The following CES1 variants were observed in gnomAD, a reference collection of about 807,000 sequenced individuals.
The protein encoded by CES1 is carboxylesterase 1, also known as liver carboxylesterase 1.
Under a neutral mutation model 53.0 loss-of-function variants are expected in CES1, and 50 were observed. That is an observed-to-expected ratio of 0.94 (90% confidence interval 0.75 to 1.19). CES1 has a LOEUF of 1.19. CES1 is among the 50% of genes most tolerant of loss of function. The pLI is 0.00. For synonymous variants in CES1, 202 were observed against 210.1 expected (o/e 0.96, Z 0.33); for missense variants, 534 against 538.0 (o/e 0.99, Z 0.07).
At chr16:55,826,412 C>T (rs1252468652) in intron 2 of CES1, 117 bp from the exon 3 acceptor site, 1 of 1,289,564 alleles carries the variant, frequency 7.8e-7, no homozygotes, top group Non-Finnish European at 1.1e-6. Flanking sequence ...TAGTTACAGA[C>T]TCACGACATT....
rs1180068369 is a variant in CES1 at position 55,828,451 on chromosome 16, T to C, written c.260+316A>G. 3.9e-5 allele frequency among the ~76,000 whole-genome samples: 6 copies of C among 152,220 alleles called. No individual in the cohort carries two copies. In the South Asian group the frequency reaches 8.3e-4, roughly 21 times the overall value. On this transcript the variant is annotated intron_variant, in intron 2 of 13. Transcript: ENST00000360526. The stretch of plus-strand genomic sequence containing the variant: ...ACTTTTCCTGTTCTATCATATCACA[T>C]AATCCACGGAGTAATTTGCATATTG...
intron 7 of CES1, among the ~76,000 whole-genome samples, chr16:55,817,560 T>C (rs1288716230): frequency 6.6e-6 from 1 of 152,210 alleles, no homozygotes; most frequent in Non-Finnish European, 1.5e-5. Flanking sequence ...GTGACTGTAG[T>C]GTTGCACTGT....
intron 1 of CES1, among the ~76,000 whole-genome samples, chr16:55,832,352 A>G (rs1482350221): frequency 6.6e-6 from 1 of 152,198 alleles, no homozygotes; most frequent in East Asian, 1.9e-4. Flanking sequence ...AGAGGTCCTG[A>G]TATAGTGGCC....
At chr16:55,822,946 A>G (rs2032262831) in intron 4 of CES1, among the ~76,000 whole-genome samples, 1 of 149,190 alleles carries the variant, frequency 6.7e-6, no homozygotes, top group Non-Finnish European at 1.5e-5. Flanking sequence ...TGCGCCTTGA[A>G]GGAGATCTGA....
At chr16:55,830,160 T>C (rs1393038322) in intron 1 of CES1, among the ~76,000 whole-genome samples, 1 of 152,246 alleles carries the variant, frequency 6.6e-6, no homozygotes, top group African/African-American at 2.4e-5. Flanking sequence ...TAAAGGGGAA[T>C]ATCCAATCAC....
intron 7 of CES1, among the ~76,000 whole-genome samples, chr16:55,817,527 G>T (rs570053406): frequency 1.3e-5 from 2 of 152,286 alleles, no homozygotes; most frequent in East Asian, 3.9e-4. Flanking sequence ...GCTTCTCTTT[G>T]GTGTGTGTTC....
chr16:55,818,268 G>A (rs563502873), intron 7 of CES1, among the ~76,000 whole-genome samples: 9 of 152,322 alleles, frequency 5.9e-5, no homozygotes, highest in African/African-American at 2.2e-4. Context: ...GACTGCCATG[G>A]CCATCCAACA....
At chr16:55,830,824 AGGCAGGC>A (rs1567509519) in intron 1 of CES1, among the ~76,000 whole-genome samples, 2 of 147,378 alleles carry the variant, frequency 1.4e-5, no homozygotes, top group Non-Finnish European at 1.5e-5. Flanking sequence ...GAAGGAAGGC[AGGCAGGC>A]AGGCAGGCAG....
chr16:55,811,121 G>A lies in CES1; in HGVS notation c.1087-111C>T, dbSNP rs563032675. On this transcript the variant is annotated intron_variant, in intron 9 of 13. Transcript: ENST00000360526. ...GTCTGAAAGTCCTCTAATTATGGGG[G>A]CTTTTAAGGGCATGAGTCTTTACTG... 323 of 864,200 alleles carry A rather than the reference G, an allele frequency of 3.7e-4. 2 individuals carry two copies. The highest frequency in any genetic ancestry group is 4.8e-4 in the Admixed American group (24 of 49,680). The allele number at this position is 864,200 out of a possible 1,614,324, so 53.5% of individuals were successfully genotyped here. A position where few individuals can be genotyped will look rare whatever the true frequency, so the allele number is the denominator to read the frequency against.
chr16:55,819,753 G>C, intron 6 of CES1, 114 bp from the exon 7 acceptor site: 1 of 910,058 alleles, frequency 1.1e-6, no homozygotes, highest in Non-Finnish European at 1.8e-6. Context: ...GGGAGCAGCA[G>C]AAGATACTGT....
chr16:55,829,738 A>G (rs1474675108), intron 1 of CES1, among the ~76,000 whole-genome samples: 2 of 152,054 alleles, frequency 1.3e-5, no homozygotes, highest in African/African-American at 4.8e-5. Context: ...GTTTTCTTTA[A>G]TGGACAAATA....
chr16:55,822,104 AGTGTGAGTCAGGAG>A (rs2032224141), intron 4 of CES1, among the ~76,000 whole-genome samples: 1 of 152,234 alleles, frequency 6.6e-6, no homozygotes, highest in Non-Finnish European at 1.5e-5. Flanking sequence ...AGTGAAAGAA[AGTGTGAGTCAGGAG>A]GTGCAGCTAG....
intron 2 of CES1, 68 bp from the exon 3 acceptor site, chr16:55,826,363 G>A (rs1306539912): frequency 4.2e-5 from 67 of 1,577,918 alleles, no homozygotes; most frequent in Admixed American, 3.3e-4. Flanking sequence ...CTACGGCAGC[G>A]CCTTGGACTG....
intron 2 of CES1, 34 bp from the exon 3 acceptor site, chr16:55,826,329 A>G: frequency 6.2e-7 from 1 of 1,613,814 alleles, no homozygotes. Context: ...CCTGAAGTTC[A>G]GCCAGATCTA....
At position 55,828,949 on chromosome 16, in the gene CES1, C is replaced by T; in HGVS notation, c.78G>A (p.Val26=). The change falls in exon 2 of 14, where the codon GTG becomes GTA. Residue 26 remains valine, a synonymous_variant. Transcript: ENST00000360526. ...AWAGHPSSPP[V]VDTVHGKVLG... is the part of the protein sequence containing the mutation. ...GCACTTTGCCATGCACGGTGTCCAC[C>T]ACAGGTGGCGAGGACGGATGCCCTG... 6.2e-7 allele frequency: 1 copy of T among 1,612,654 alleles called. No individual in the cohort carries two copies. The highest frequency in any genetic ancestry group is 8.5e-7 in the Non-Finnish European group (1 of 1,179,408).
chr16:55,826,440 A>C, intron 2 of CES1, 145 bp from the exon 3 acceptor site: 1 of 1,074,460 alleles, frequency 9.3e-7, no homozygotes, highest in Non-Finnish European at 1.4e-6. Context: ...GTAGGAGGCT[A>C]TCAGGGGCTT....
intron 5 of CES1, 28 bp downstream of exon 5, chr16:55,821,340 G>T: frequency 6.2e-7 from 1 of 1,614,036 alleles, no homozygotes; most frequent in South Asian, 1.1e-5. Flanking sequence ...TCAAGCGTGG[G>T]GTTGGGCCTG....
intron 9 of CES1, among the ~76,000 whole-genome samples, chr16:55,811,277 C>T (rs1398430043): frequency 1.1e-4 from 16 of 150,524 alleles, no homozygotes; most frequent in Middle Eastern, 3.5e-3. Flanking sequence ...TGTGTGTGTG[C>T]GCGCGTGTGT....
chr16:55,819,591 C>G lies in CES1; in HGVS notation c.850G>C (p.Val284Leu). ...GCKTTTSAVM[V>L]HCLRQKTEEE... is the part of the protein sequence containing the mutation. ...TCCGTCTTCTGTCGCAGGCAGTGAA[C>G]CATGACAGCAGAGGTGGTGGTTTTG... Residue 284 changes from valine to leucine, a missense_variant, in exon 7 of 14, where the codon GTT becomes CTT. Val to Leu is a conservative substitution (Grantham distance 32, BLOSUM62 1). This residue lies in a region of CES1 where 269 missense variants were observed against 206.6 expected (regional missense o/e 1.30). Transcript: ENST00000360526. The G allele has an allele frequency of 6.2e-7, 1 of 1,614,178 alleles. No individual in the cohort carries two copies. The highest frequency in any genetic ancestry group is 8.5e-7 in the Non-Finnish European group (1 of 1,180,040).
Sources: allele counts gnomAD v4.1 joint callset (sites outside exome capture counted in the v4.1 genomes callset), GRCh38; gene constraint gnomAD v4.1.1; regional missense constraint gnomAD v4.1.1; transcripts MANE v1.5; gene names NCBI Gene and HGNC (gene_info 2026-07-23, HGNC 2026-07-21).